Variants in EFCAB8 observed in about 807,000 individuals in gnomAD.
The protein encoded by EFCAB8 is EF-hand calcium binding domain 8, also known as EF-hand calcium-binding domain-containing protein 8.
EFCAB8 carries 100 observed loss-of-function variants against 116.3 expected under a neutral mutation model. The observed-to-expected ratio is 0.86, with a 90% CI of 0.73 to 1.02. EFCAB8 has a LOEUF of 1.02. EFCAB8 is among the 50% of genes least tolerant of loss of function. EFCAB8 has a pLI of 0.00. For missense variants in EFCAB8, 1,320 were observed against 1,416.9 expected (o/e 0.93, Z 1.10); for synonymous variants, 558 against 567.9 (o/e 0.98, Z 0.25).
In EFCAB8 at chr20:32,918,511, G is replaced by T. The variant is rs753386960; in HGVS notation, c.2211G>T (p.Val737=). ...VANTNLRRSL[V]SAPPVMRCPR... ...ATACCAACCTGAGGCGGAGCCTGGT[G>T]TCGGCTCCCCCAGTGATGCGGTGCC... Residue 737 remains valine (V), a synonymous_variant, in exon 19 of 27, where the codon GTG becomes GTT. Transcript: ENST00000400522. The T allele has an allele frequency of 5.8e-6, 9 of 1,551,620 alleles. No homozygotes were observed. In the South Asian group the frequency reaches 8.3e-5, roughly 14 times the overall value.
At chr20:32,934,965 T>G (rs2377735) in intron 22 of EFCAB8, among the ~76,000 whole-genome samples, 1 of 152,034 alleles carries the variant, frequency 6.6e-6, no homozygotes, top group Non-Finnish European at 1.5e-5. Flanking sequence ...GTTTTCTTTT[T>G]TCTGCCTCCT....
intron 17 of EFCAB8, among the ~76,000 whole-genome samples, chr20:32,914,210 T>C (rs968284901): frequency 7.2e-5 from 11 of 152,226 alleles, no homozygotes; most frequent in Non-Finnish European, 1.5e-4. Context: ...TCAAGGAGCA[T>C]GAAGAATGGT....
chr20:32,907,224 C>A, intron 13 of EFCAB8: 1 of 625,456 alleles, frequency 1.6e-6, no homozygotes, highest in Non-Finnish European at 2.0e-6. Context: ...GCAAGTCCTT[C>A]CCTTTTCTGA....
chr20:32,940,471 A>T (rs890613671), intron 22 of EFCAB8, among the ~76,000 whole-genome samples: 1 of 149,920 alleles, frequency 6.7e-6, no homozygotes, highest in Non-Finnish European at 1.5e-5. Context: ...AGCCAAAATT[A>T]TAAGACTTTT....
At chr20:32,859,056 C>G (rs759131139) in intron 1 of EFCAB8, 50 bp downstream of exon 1, 2 of 471,074 alleles carry the variant, frequency 4.2e-6, no homozygotes, top group East Asian at 1.4e-4. Flanking sequence ...TTGGATACCT[C>G]TGCTGAAGAC....
chr20:32,898,400 A>G (rs6058948), intron 10 of EFCAB8, 93 bp from the exon 11 acceptor site: 418,239 of 646,026 alleles, frequency 0.65, 140,787 homozygotes, highest in Middle Eastern at 0.77. Flanking sequence ...ATCTCTGGGC[A>G]CCTCCAGTCC....
intron 23 of EFCAB8, among the ~76,000 whole-genome samples, chr20:32,952,749 A>G (rs1025854607): frequency 3.3e-5 from 5 of 152,064 alleles, no homozygotes; most frequent in African/African-American, 1.2e-4. Context: ...GCATCTTTTG[A>G]TGAGCAGAAA....
intron 22 of EFCAB8, among the ~76,000 whole-genome samples, chr20:32,934,765 G>A (rs1988038407): frequency 6.6e-6 from 1 of 152,146 alleles, no homozygotes; most frequent in East Asian, 1.9e-4. Flanking sequence ...CTGCTCCCAT[G>A]TAAGACGTGC....
chr20:32,925,704 A>G (rs576101790), intron 20 of EFCAB8, among the ~76,000 whole-genome samples: 49 of 152,244 alleles, frequency 3.2e-4, no homozygotes, highest in Non-Finnish European at 4.6e-4. Flanking sequence ...CCCAGTAGGG[A>G]AGGACCAGAT....
At chr20:32,928,240 A>ATT (rs535554257) in intron 20 of EFCAB8, among the ~76,000 whole-genome samples, 30 of 135,462 alleles carry the variant, frequency 2.2e-4, no homozygotes, top group African/African-American at 4.7e-4. Flanking sequence ...CTGATTTTTT[A>ATT]TTTTTTTTTT....
intron 5 of EFCAB8, among the ~76,000 whole-genome samples, chr20:32,880,644 T>C (rs1985281752): frequency 1.3e-5 from 2 of 152,240 alleles, no homozygotes; most frequent in Admixed American, 1.3e-4. Flanking sequence ...AGAGATTTCA[T>C]AACTGTATTT....
At chr20:32,948,583 A>AG (rs199582968) in intron 23 of EFCAB8, among the ~76,000 whole-genome samples, 2 of 150,454 alleles carry the variant, frequency 1.3e-5, no homozygotes, top group African/African-American at 2.4e-5. Context: ...AAAGAAAGAA[A>AG]AGAAAGGAAA....
intron 3 of EFCAB8, 117 bp from the exon 4 acceptor site, chr20:32,875,809 G>T: frequency 1.2e-6 from 1 of 862,680 alleles, no homozygotes; most frequent in Admixed American, 2.4e-5. Flanking sequence ...GCGCCTGGCC[G>T]TAGATGTGGT....
intron 9 of EFCAB8, among the ~76,000 whole-genome samples, chr20:32,894,920 G>C (rs555543769): frequency 1.3e-5 from 2 of 152,330 alleles, no homozygotes; most frequent in African/African-American, 4.8e-5. Context: ...TGGCAGTCTT[G>C]GGCAACTTTC....
intron 23 of EFCAB8, among the ~76,000 whole-genome samples, chr20:32,947,680 A>G (rs1988638044): frequency 6.6e-6 from 1 of 152,176 alleles, no homozygotes; most frequent in Non-Finnish European, 1.5e-5. Context: ...ACATTTCAAA[A>G]TTTATGAGAT....
intron 23 of EFCAB8, among the ~76,000 whole-genome samples, chr20:32,946,132 T>C (rs1988589011): frequency 6.6e-6 from 1 of 152,228 alleles, no homozygotes; most frequent in African/African-American, 2.4e-5. Context: ...ACTCTGATAG[T>C]GTGTGCTAGT....
intron 10 of EFCAB8, among the ~76,000 whole-genome samples, chr20:32,897,708 C>T (rs1025413802): frequency 9.2e-5 from 14 of 152,156 alleles, no homozygotes; most frequent in Non-Finnish European, 2.1e-4. Context: ...CCACTGCACC[C>T]GCTCTTCTGT....
chr20:32,935,820 T>C (rs1988100961), intron 22 of EFCAB8, among the ~76,000 whole-genome samples: 2 of 152,098 alleles, frequency 1.3e-5, no homozygotes, highest in South Asian at 4.1e-4. Context: ...CATTTTCTAA[T>C]TGGGTTATTC....
intron 14 of EFCAB8, 92 bp downstream of exon 14, chr20:32,908,504 C>A: frequency 8.2e-7 from 1 of 1,217,464 alleles, no homozygotes. Flanking sequence ...TGGCCACGTC[C>A]TGTCCCTCCT....
Sources: allele counts gnomAD v4.1 joint callset (sites outside exome capture counted in the v4.1 genomes callset), GRCh38; gene constraint gnomAD v4.1.1; transcripts MANE v1.5; gene names NCBI Gene and HGNC (gene_info 2026-07-23, HGNC 2026-07-21).